The following ABCC8 variants were observed in gnomAD, a reference collection of about 807,000 sequenced individuals.
The protein encoded by ABCC8 is ATP binding cassette subfamily C member 8.
In ABCC8, 137 loss-of-function variants were observed where a neutral mutation model predicts 188.0. The ratio of observed to expected loss-of-function variants is 0.73; its 90% confidence interval spans 0.63 to 0.84. The LOEUF (loss-of-function observed/expected upper bound fraction) is 0.84. ABCC8 is among the 40% of genes least tolerant of loss of function. The probability of loss-of-function intolerance (pLI) is 0.00; values close to 1 mark genes in which losing one functional copy is unlikely to be tolerated. For missense variants in ABCC8, 1,750 were observed against 2,072.7 expected, an observed-to-expected ratio of 0.84 and a Z score of 3.02; for synonymous variants, 797 against 846.5, an observed-to-expected ratio of 0.94 and a Z score of 1.01.
chr11:17,437,231 C>T lies in ABCC8; in HGVS notation c.1631-4987G>A, dbSNP rs542248688. On this transcript the variant is annotated intron_variant, in intron 10 of 38. Coordinates refer to ENST00000389817, the MANE Select transcript of ABCC8 (RefSeq NM_000352.6). ...AAGTTTTTCATACCCTCAACCCTTG[C>T]CCCATACAAAACGAAACAAACAAAA... 9.9e-5 allele frequency among the ~76,000 whole-genome samples: 15 copies of T among 152,048 alleles called. No homozygotes were observed. In the South Asian group the frequency reaches 3.1e-3, roughly 32 times the overall value.
At chr11:17,424,085 T>A (rs1955473967) in intron 16 of ABCC8, among the ~76,000 whole-genome samples, 1 of 152,134 alleles carries the variant, frequency 6.6e-6, no homozygotes. Context: ...AACCACCACA[T>A]GTGCTCACTA....
At chr11:17,424,593 G>A (rs7120703) in intron 16 of ABCC8, among the ~76,000 whole-genome samples, 3,144 of 152,300 alleles carry the variant, frequency 0.021, 103 homozygotes, top group African/African-American at 0.071. Flanking sequence ...GGAGAAGAAA[G>A]CAGGGCAAAG....
intron 6 of ABCC8, 152 bp from the exon 7 acceptor site, chr11:17,453,435 C>T: frequency 9.5e-7 from 1 of 1,055,450 alleles, no homozygotes; most frequent in Non-Finnish European, 1.4e-6. Context: ...AGTGAAAAAT[C>T]AGACTGATAA....
At chr11:17,462,116 A>T (rs931761240) in intron 4 of ABCC8, among the ~76,000 whole-genome samples, 1 of 152,146 alleles carries the variant, frequency 6.6e-6, no homozygotes, top group Non-Finnish European at 1.5e-5. Context: ...CTCATATGCT[A>T]TCTTCTCCAC....
chr11:17,476,292 G>A (rs1044768381), intron 1 of ABCC8, among the ~76,000 whole-genome samples: 3 of 152,196 alleles, frequency 2.0e-5, no homozygotes, highest in African/African-American at 7.2e-5. Context: ...GGAGGGTGAG[G>A]CCCGACCCCT....
intron 6 of ABCC8, among the ~76,000 whole-genome samples, chr11:17,457,497 T>C (rs969302769): frequency 6.6e-6 from 1 of 152,242 alleles, no homozygotes; most frequent in African/African-American, 2.4e-5. Flanking sequence ...CCCAGGGCAG[T>C]GCTGGCAGGT....
downstream of ABCC8, chr11:17,392,797 C>T (rs1953694689): frequency 1.0e-5 from 7 of 671,444 alleles, no homozygotes; most frequent in Non-Finnish European, 1.0e-5. Context: ...TTTGCTCACA[C>T]AGCTTCTGCC....
At chr11:17,468,631 A>G (rs574343368) in intron 3 of ABCC8, among the ~76,000 whole-genome samples, 1 of 152,228 alleles carries the variant, frequency 6.6e-6, no homozygotes, top group Non-Finnish European at 1.5e-5. Flanking sequence ...CCTACCTCAT[A>G]GAGTTGTTGC....
intron 7 of ABCC8, among the ~76,000 whole-genome samples, chr11:17,449,573 C>T (rs947524094): frequency 2.0e-5 from 3 of 152,206 alleles, no homozygotes; most frequent in Non-Finnish European, 2.9e-5. Context: ...TGAACCTAAA[C>T]GCTTTATGTG....
rs773493050 is a variant in ABCC8 at position 17,392,965 on chromosome 11, T to C, written c.*26A>G. On this transcript the variant is annotated 3_prime_UTR_variant, in exon 39 of 39. Coordinates refer to ENST00000389817, the MANE Select transcript of ABCC8 (RefSeq NM_000352.6). ...CAGGGGTATGGGCAGGGTCCGAATG[T>C]GGGATGGCACTTGGGCTCTGGCAGG... The C allele has an allele frequency of 6.2e-7, 1 of 1,612,890 alleles. No homozygotes were observed. The highest frequency in any genetic ancestry group is 1.3e-5 in the African/African-American group (1 of 74,924).
Position 17,413,625 on chromosome 11 carries a change from CGTGTGAGCTTGAAAAGAGCT to C in ABCC8, c.2391-167_2391-148del, listed in dbSNP as rs1044953206. On this transcript the variant is annotated intron_variant, in intron 19 of 38. Coordinates refer to ENST00000389817, the MANE Select transcript of ABCC8 (RefSeq NM_000352.6). ...CTCCCGCTTGGGTGCAAGCAAACACCGTGTGAGCTTGAAAAGAGCTGAGGTCAGCACTTCACACAGCGTTT... is the reference window on the plus strand; with the variant it reads ...CTCCCGCTTGGGTGCAAGCAAACACCGAGGTCAGCACTTCACACAGCGTTT... 4 of 1,513,030 alleles carry C rather than the reference CGTGTGAGCTTGAAAAGAGCT, an allele frequency of 2.6e-6. No homozygotes were observed. In the African/African-American group the frequency reaches 4.1e-5, roughly 16 times the overall value. 93.7% of individuals were successfully genotyped at this position (1,513,030 alleles called of 1,614,324 possible).
At chr11:17,415,416 C>A in intron 17 of ABCC8, 77 bp from the exon 18 acceptor site, 1 of 1,568,518 alleles carries the variant, frequency 6.4e-7, no homozygotes, top group African/African-American at 1.3e-5. Context: ...TGAGCTCCCT[C>A]CAACCCAACA....
At chr11:17,420,908 G>A (rs1040634532) in intron 16 of ABCC8, among the ~76,000 whole-genome samples, 3 of 152,224 alleles carry the variant, frequency 2.0e-5, no homozygotes, top group Non-Finnish European at 4.4e-5. Flanking sequence ...CAAATCCCAA[G>A]GTTGTCACAG....
chr11:17,413,008 A>G (rs2133471753), intron 20 of ABCC8: 2 of 701,104 alleles, frequency 2.9e-6, no homozygotes, highest in Non-Finnish European at 2.3e-6. Context: ...CAGAGGCAGC[A>G]GGGATTAAAA....
intron 29 of ABCC8, chr11:17,399,034 T>G: frequency 6.2e-6 from 1 of 160,978 alleles, no homozygotes; most frequent in Non-Finnish European, 1.4e-5. Flanking sequence ...TTTGGGAGGC[T>G]GAGGCGGGCG....
At chr11:17,434,540 G>A (rs575794939) in intron 10 of ABCC8, among the ~76,000 whole-genome samples, 68 of 152,232 alleles carry the variant, frequency 4.5e-4, no homozygotes, top group Non-Finnish European at 8.8e-4. Flanking sequence ...CATCCCAAAC[G>A]AAATAAACTG....
At chr11:17,433,739 T>C (rs933618789) in intron 10 of ABCC8, among the ~76,000 whole-genome samples, 3 of 152,228 alleles carry the variant, frequency 2.0e-5, no homozygotes, top group Non-Finnish European at 2.9e-5. Flanking sequence ...GCTCCTGCAA[T>C]TGGAGAGGTC....
chr11:17,445,348 T>A (rs1019248975), intron 8 of ABCC8, among the ~76,000 whole-genome samples: 2 of 152,166 alleles, frequency 1.3e-5, no homozygotes, highest in East Asian at 1.9e-4. Context: ...TGACTGCCAA[T>A]GGGTACGGGT....
At chr11:17,407,486 C>T in intron 23 of ABCC8, 33 bp from the exon 24 acceptor site, 1 of 1,614,006 alleles carries the variant, frequency 6.2e-7, no homozygotes, top group Non-Finnish European at 8.5e-7. Flanking sequence ...GCAATGTCTT[C>T]AGGATATATG....
Sources: allele counts gnomAD v4.1 joint callset (sites outside exome capture counted in the v4.1 genomes callset), GRCh38; gene constraint gnomAD v4.1.1; transcripts MANE v1.5; gene names NCBI Gene and HGNC (gene_info 2026-07-23, HGNC 2026-07-21).